ENTPD3: variants seen among roughly 807,000 people sequenced by gnomAD.
ENTPD3 encodes the protein ectonucleoside triphosphate diphosphohydrolase 3.
Under a neutral mutation model 51.2 loss-of-function variants are expected in ENTPD3, and 60 were observed. The ratio of observed to expected loss-of-function variants is 1.17; its 90% CI spans 0.95 to 1.45. The LOEUF (loss-of-function observed/expected upper bound fraction) is 1.45, where lower values mean the gene tolerates loss of function less well. Ranked by LOEUF, ENTPD3 falls within the 40% of genes most tolerant of loss-of-function variation. The probability of loss-of-function intolerance (pLI) is 0.00; values close to 1 mark genes in which losing one functional copy is unlikely to be tolerated. For synonymous variants in ENTPD3, 221 were observed against 238.4 expected, an observed-to-expected ratio of 0.93 and a Z score of 0.67; for missense variants, 593 against 641.1, an observed-to-expected ratio of 0.93 and a Z score of 0.81.
At chr3:40,394,803 G>A (rs1955156845) in intron 3 of ENTPD3, among the ~76,000 whole-genome samples, 1 of 152,196 alleles carries the variant, frequency 6.6e-6, no homozygotes, top group Non-Finnish European at 1.5e-5. Flanking sequence ...TTGAAGGAGA[G>A]GAGTTAAGCC....
intron 5 of ENTPD3, among the ~76,000 whole-genome samples, chr3:40,412,164 T>C (rs1303350039): frequency 6.6e-6 from 1 of 152,194 alleles, no homozygotes; most frequent in Non-Finnish European, 1.5e-5. Flanking sequence ...GTTCTAAAAT[T>C]GTTTCCCTCT....
At chr3:40,407,041 A>AG (rs1955520147) in intron 4 of ENTPD3, among the ~76,000 whole-genome samples, 1 of 152,170 alleles carries the variant, frequency 6.6e-6, no homozygotes, top group Admixed American at 6.5e-5. Flanking sequence ...ATAATGCATG[A>AG]GCAAGAGTTT....
chr3:40,395,127 T>C (rs1464898199), intron 3 of ENTPD3, among the ~76,000 whole-genome samples: 1 of 152,210 alleles, frequency 6.6e-6, no homozygotes, highest in Non-Finnish European at 1.5e-5. Flanking sequence ...ATGGGCTCTT[T>C]ATTCTGTGAG....
intron 3 of ENTPD3, among the ~76,000 whole-genome samples, chr3:40,397,071 G>A (rs1333478865): frequency 6.9e-6 from 1 of 145,644 alleles, no homozygotes; most frequent in African/African-American, 2.5e-5. Flanking sequence ...GTGCCTTGTA[G>A]CCCACCCTGG....
At chr3:40,405,732 T>C (rs1301509586) in intron 4 of ENTPD3, among the ~76,000 whole-genome samples, 6 of 152,118 alleles carry the variant, frequency 3.9e-5, no homozygotes, top group African/African-American at 1.4e-4. Context: ...TAATGGACCT[T>C]ATGCAAACAG....
At chr3:40,425,723 C>T (rs973819335) in intron 10 of ENTPD3, among the ~76,000 whole-genome samples, 1 of 151,732 alleles carries the variant, frequency 6.6e-6, no homozygotes, top group Admixed American at 6.6e-5. Flanking sequence ...ATGGCAAAAC[C>T]ATGTCTCTAC....
At chr3:40,420,432 G>A (rs1370069379) in intron 7 of ENTPD3, among the ~76,000 whole-genome samples, 2 of 151,606 alleles carry the variant, frequency 1.3e-5, no homozygotes, top group African/African-American at 2.4e-5. Context: ...GTAGAGATGG[G>A]GTTTCACTGT....
intron 10 of ENTPD3, among the ~76,000 whole-genome samples, chr3:40,425,952 G>C (rs1955973605): frequency 6.7e-6 from 1 of 149,192 alleles, no homozygotes; most frequent in South Asian, 2.1e-4. Context: ...CTAAAGAAAA[G>C]TATTTAAAAA....
intron 3 of ENTPD3, among the ~76,000 whole-genome samples, chr3:40,392,950 G>A (rs973256656): frequency 1.3e-5 from 2 of 151,178 alleles, no homozygotes; most frequent in Admixed American, 1.3e-4. Flanking sequence ...AACATGTGCT[G>A]TGTTCCTTCC....
intron 3 of ENTPD3, among the ~76,000 whole-genome samples, chr3:40,400,031 G>A (rs1025139397): frequency 1.3e-5 from 2 of 152,112 alleles, no homozygotes; most frequent in Admixed American, 1.3e-4. Context: ...TTGGGAGGCC[G>A]AGGCGGGTGG....
At chr3:40,393,044 T>G (rs1474077694) in intron 3 of ENTPD3, among the ~76,000 whole-genome samples, 1 of 151,838 alleles carries the variant, frequency 6.6e-6, no homozygotes, top group Admixed American at 6.6e-5. Context: ...AGGCCCCTCT[T>G]AGTTCTCAAC....
rs144950294 is a variant in ENTPD3 at position 40,423,141 on chromosome 3, G to C, written c.1104+19G>C. 7.6e-5 allele frequency: 122 copies of C among 1,599,388 alleles called. 2 individuals carry two copies. The East Asian group carries it at 2.7e-3, about 35-fold the overall frequency. On this transcript the variant is annotated intron_variant, in intron 8 of 10. Transcript: ENST00000301825. ...ATTTGTGGTAAGAGCAAAACCTTCTGAAAGATTCCTTTCCCCATTGAATAT... is the reference window on the plus strand; with the variant it reads ...ATTTGTGGTAAGAGCAAAACCTTCTCAAAGATTCCTTTCCCCATTGAATAT...
At chr3:40,411,152 G>C (rs894697471) in intron 4 of ENTPD3, among the ~76,000 whole-genome samples, 5 of 151,822 alleles carry the variant, frequency 3.3e-5, no homozygotes, top group African/African-American at 1.2e-4. Flanking sequence ...TTAGCCAGGC[G>C]TGGTGGTGCA....
rs1956004552 is a variant in ENTPD3, at chr3:40,427,321, C to T, written c.1403C>T (p.Thr468Ile). The change falls in exon 11 of 11, where the codon ACC becomes ATC. Residue 468 changes from threonine to isoleucine, a missense_variant. By Grantham distance (89) the Thr-to-Ile change is moderately conservative. Transcript: ENST00000301825. ...AWSLGYMLSL[T>I]NQIPAESPLI... Reference sequence around the variant, plus strand: ...TCTCTTGGCTACATGCTCAGCCTGACCAACCAGATCCCAGCTGAAAGCCCT... The same window carrying T: ...TCTCTTGGCTACATGCTCAGCCTGATCAACCAGATCCCAGCTGAAAGCCCT... The T allele has an allele frequency of 3.1e-6, 5 of 1,614,078 alleles. No individual in the cohort carries two copies. Among genetic ancestry groups the T allele is most frequent in the Non-Finnish European group, 4.2e-6 (5 of 1,180,046 alleles).
At chr3:40,396,895 C>T (rs193064431) in intron 3 of ENTPD3, among the ~76,000 whole-genome samples, 114 of 152,274 alleles carry the variant, frequency 7.5e-4, no homozygotes, top group Non-Finnish European at 1.2e-3. Flanking sequence ...CTGTGACCTG[C>T]TCAGCCCACA....
At chr3:40,403,653 AT>A (rs112252461) in intron 4 of ENTPD3, among the ~76,000 whole-genome samples, 1,404 of 139,872 alleles carry the variant, frequency 0.01, 10 homozygotes, top group African/African-American at 0.017. Flanking sequence ...TTTTCCTTTA[AT>A]TTTTTTTTTT....
chr3:40,397,119 CTTTTTTT>C (rs3064608), intron 3 of ENTPD3, among the ~76,000 whole-genome samples: 1 of 101,300 alleles, frequency 9.9e-6, no homozygotes, highest in South Asian at 3.8e-4. Flanking sequence ...TAATTAGTTT[CTTTTTTT>C]TTTTTTTTTT....
At chr3:40,405,065 TC>T (rs1008508726) in intron 4 of ENTPD3, among the ~76,000 whole-genome samples, 4 of 152,168 alleles carry the variant, frequency 2.6e-5, no homozygotes, top group African/African-American at 9.7e-5. Flanking sequence ...CTGCTGCCTT[TC>T]CCCACAAGGG....
chr3:40,427,264 C>T lies in ENTPD3; in HGVS notation c.1354-8C>T. 6.2e-7 allele frequency: 1 copy of T among 1,611,318 alleles called. No individual in the cohort carries two copies. The highest frequency in any genetic ancestry group is 8.5e-7 in the Non-Finnish European group (1 of 1,177,498). On this transcript the variant is annotated splice_polypyrimidine_tract_variant and splice_region_variant and intron_variant, in intron 10 of 10. Coordinates refer to ENST00000301825, the MANE Select transcript of ENTPD3 (RefSeq NM_001248.4). ...CCTGAGCGCTGAGCCATCTCCTCTACTCCACAGGTGGGGAATAGCAGCATA... is the reference window on the plus strand; with the variant it reads ...CCTGAGCGCTGAGCCATCTCCTCTATTCCACAGGTGGGGAATAGCAGCATA...
Sources: gnomAD v4.1 joint callset for allele counts (sites outside exome capture counted in the v4.1 genomes callset) on GRCh38, gnomAD v4.1.1 for gene constraint, MANE v1.5 for transcripts, NCBI Gene and HGNC (gene_info 2026-07-23, HGNC 2026-07-21) for gene names.